Variants in ERC2 observed in about 807,000 individuals in gnomAD.
The protein encoded by ERC2 is ERC protein 2.
ERC2 carries 42 observed loss-of-function variants against 114.8 expected under a neutral mutation model. The ratio of observed to expected loss-of-function variants is 0.37; its 90% confidence interval spans 0.29 to 0.47. The LOEUF is 0.47. Ranked by LOEUF, ERC2 falls within the 20% of genes least tolerant of loss-of-function variation. The pLI is 0.99. For synonymous variants in ERC2, 454 were observed against 425.5 expected (o/e 1.07, Z -0.82); for missense variants, 939 against 1,150.7 (o/e 0.82, Z 2.66).
intron 2 of ERC2, among the ~76,000 whole-genome samples, chr3:56,381,591 G>A (rs1242521615): frequency 6.6e-6 from 1 of 151,890 alleles, no homozygotes; most frequent in Admixed American, 6.6e-5. Flanking sequence ...AGATTCAATA[G>A]CAGATTCTTC....
chr3:55,699,536 A>G, intron 15 of ERC2, 24 bp from the exon 16 acceptor site: 1 of 1,581,386 alleles, frequency 6.3e-7, no homozygotes, highest in Non-Finnish European at 8.6e-7. Flanking sequence ...AAACCAAGGA[A>G]GATTCCATCA....
At chr3:55,784,314 A>C (rs529480458) in intron 14 of ERC2, among the ~76,000 whole-genome samples, 1 of 152,202 alleles carries the variant, frequency 6.6e-6, no homozygotes, top group Non-Finnish European at 1.5e-5. Context: ...AGGAGATTTA[A>C]TATTTACAGA....
intron 1 of ERC2, among the ~76,000 whole-genome samples, chr3:56,467,842 G>T (rs1459808964): frequency 1.3e-5 from 2 of 151,412 alleles, no homozygotes; most frequent in Non-Finnish European, 2.9e-5. Flanking sequence ...CAAGACCCCC[G>T]ACCCCGCGAA....
intron 1 of ERC2, among the ~76,000 whole-genome samples, chr3:56,444,239 G>C (rs1385628639): frequency 2.0e-5 from 3 of 151,638 alleles, no homozygotes; most frequent in Non-Finnish European, 4.4e-5. Flanking sequence ...CCAAAGTGCT[G>C]GGATTACAGG....
chr3:55,857,063 G>A (rs763031127), intron 14 of ERC2, among the ~76,000 whole-genome samples: 4 of 151,896 alleles, frequency 2.6e-5, no homozygotes, highest in Admixed American at 1.3e-4. Flanking sequence ...TTTTTTGGGG[G>A]TGGGGGTGGT....
intron 14 of ERC2, among the ~76,000 whole-genome samples, chr3:55,861,169 C>G (rs375068901): frequency 6.6e-6 from 1 of 152,302 alleles, no homozygotes; most frequent in East Asian, 1.9e-4. Context: ...TGCTTTTCCC[C>G]CTTTTGGCAT....
At chr3:56,103,676 C>T (rs77842921) in intron 6 of ERC2, among the ~76,000 whole-genome samples, 3,278 of 152,130 alleles carry the variant, frequency 0.022, 53 homozygotes, top group Middle Eastern at 0.061. Context: ...AAAGAATTAT[C>T]CAGCCCAAAA....
intron 13 of ERC2, among the ~76,000 whole-genome samples, chr3:55,921,170 G>A (rs553917366): frequency 6.6e-5 from 10 of 152,042 alleles, no homozygotes; most frequent in South Asian, 6.2e-4. Context: ...TGGGATTAGC[G>A]GCTTCAATTG....
At chr3:55,512,135 T>C (rs927867888) in intron 17 of ERC2, among the ~76,000 whole-genome samples, 1 of 152,132 alleles carries the variant, frequency 6.6e-6, no homozygotes, top group Admixed American at 6.5e-5. Flanking sequence ...AGCTGTCTCA[T>C]TTGGTGGTTG....
chr3:55,648,207 A>G (rs1433215656), intron 17 of ERC2, among the ~76,000 whole-genome samples: 2 of 152,206 alleles, frequency 1.3e-5, no homozygotes, highest in Non-Finnish European at 2.9e-5. Context: ...ACTTTCCCCC[A>G]AATTATTCAT....
intron 6 of ERC2, among the ~76,000 whole-genome samples, chr3:56,092,075 CTGTT>C: frequency 6.6e-6 from 1 of 152,274 alleles, no homozygotes; most frequent in Non-Finnish European, 1.5e-5. Context: ...CTTAGGTTGT[CTGTT>C]CTCATACAAT....
At chr3:56,112,432 GACACACACACACAC>G (rs3052551) in intron 6 of ERC2, among the ~76,000 whole-genome samples, 1 of 149,266 alleles carries the variant, frequency 6.7e-6, no homozygotes, top group South Asian at 2.1e-4. Context: ...AAGACAGACA[GACACACACACACAC>G]ACACACACAC....
chr3:55,761,324 A>G (rs1185981463), intron 14 of ERC2, among the ~76,000 whole-genome samples: 1 of 152,210 alleles, frequency 6.6e-6, no homozygotes, highest in African/African-American at 2.4e-5. Context: ...TTTCAGATAA[A>G]CAGTAAATAT....
intron 13 of ERC2, among the ~76,000 whole-genome samples, chr3:55,902,124 T>TA (rs1378948545): frequency 5.9e-5 from 9 of 152,110 alleles, no homozygotes; most frequent in East Asian, 5.8e-4. Context: ...TTCAGGTAAG[T>TA]AAAAAAATCA....
chr3:55,781,994 G>A (rs1023338412), intron 14 of ERC2, among the ~76,000 whole-genome samples: 3 of 152,052 alleles, frequency 2.0e-5, no homozygotes, highest in African/African-American at 7.2e-5. Context: ...GATTGGGAAC[G>A]ATGGAGTTGT....
intron 17 of ERC2, among the ~76,000 whole-genome samples, chr3:55,664,011 C>T (rs1206107001): frequency 6.6e-6 from 1 of 152,166 alleles, no homozygotes; most frequent in East Asian, 1.9e-4. Flanking sequence ...ATACTTTCAT[C>T]AGGTTTTTAT....
chr3:55,654,648 C>T (rs376887752), intron 17 of ERC2, among the ~76,000 whole-genome samples: 21 of 152,298 alleles, frequency 1.4e-4, no homozygotes, highest in African/African-American at 4.8e-4. Context: ...GAGGCAAGCG[C>T]GGCCAGCAGA....
intron 13 of ERC2, among the ~76,000 whole-genome samples, chr3:55,889,800 C>T (rs1055746463): frequency 1.3e-5 from 2 of 152,154 alleles, no homozygotes; most frequent in African/African-American, 4.8e-5. Flanking sequence ...GTCAACAGAA[C>T]GCCCTTCAAA....
At chr3:55,546,787 A>G (rs2054784076) in intron 17 of ERC2, among the ~76,000 whole-genome samples, 1 of 152,176 alleles carries the variant, frequency 6.6e-6, no homozygotes, top group Non-Finnish European at 1.5e-5. Context: ...CCGGTACCAG[A>G]GAGCTGTCTC....
Sources: allele counts gnomAD v4.1 joint callset (sites outside exome capture counted in the v4.1 genomes callset), GRCh38; gene constraint gnomAD v4.1.1; transcripts MANE v1.5; gene names NCBI Gene and HGNC (gene_info 2026-07-23, HGNC 2026-07-21).